ERO1B: variants seen among roughly 807,000 people sequenced by gnomAD.
ERO1B encodes the protein ERO1-like protein beta.
ERO1B carries 49 observed loss-of-function variants against 75.3 expected under a neutral mutation model. The observed-to-expected ratio is 0.65, with a 90% confidence interval of 0.52 to 0.83. The LOEUF is 0.83. ERO1B is among the 40% of genes least tolerant of loss of function. ERO1B has a pLI of 0.00. For missense variants in ERO1B, 512 were observed against 560.1 expected, an observed-to-expected ratio of 0.91 and a Z score of 0.87; for synonymous variants, 191 against 192.9, an observed-to-expected ratio of 0.99 and a Z score of 0.08.
intron 2 of ERO1B, among the ~76,000 whole-genome samples, chr1:236,261,693 T>C (rs1391802345): frequency 6.6e-6 from 1 of 152,212 alleles, no homozygotes; most frequent in African/African-American, 2.4e-5. Flanking sequence ...AATTAAATTG[T>C]TAAAATGTCC....
At chr1:236,272,505 A>T (rs961906445) in intron 1 of ERO1B, among the ~76,000 whole-genome samples, 1 of 152,222 alleles carries the variant, frequency 6.6e-6, no homozygotes, top group Non-Finnish European at 1.5e-5. Context: ...GTGGGAGCTA[A>T]CACTGAGTAT....
intron 6 of ERO1B, among the ~76,000 whole-genome samples, chr1:236,239,851 G>GTATA (rs1192575122): frequency 3.3e-5 from 2 of 61,040 alleles, no homozygotes; most frequent in African/African-American, 8.6e-5. Context: ...ATATATATGT[G>GTATA]TATATATGTA....
At chr1:236,272,351 TATGTACACC>T (rs1665610039) in intron 1 of ERO1B, among the ~76,000 whole-genome samples, 1 of 152,162 alleles carries the variant, frequency 6.6e-6, no homozygotes, top group Non-Finnish European at 1.5e-5. Flanking sequence ...AAATGTGGTC[TATGTACACC>T]ATGGAATACT....
chr1:236,240,766 A>G (rs1233086846), intron 6 of ERO1B, among the ~76,000 whole-genome samples: 2 of 152,084 alleles, frequency 1.3e-5, no homozygotes, highest in African/African-American at 4.8e-5. Flanking sequence ...ATAGCTCACA[A>G]TCTAGCTGGG....
At chr1:236,254,635 CAG>C (rs376458520) in intron 2 of ERO1B, among the ~76,000 whole-genome samples, 116 of 152,146 alleles carry the variant, frequency 7.6e-4, no homozygotes, top group African/African-American at 2.7e-3. Flanking sequence ...TTTTTTGAGA[CAG>C]AGTCTCACTC....
Position 236,253,518 on chromosome 1 carries a change from A to C in ERO1B, c.223-13T>G. On this transcript the variant is annotated splice_polypyrimidine_tract_variant and intron_variant, in intron 2 of 15. Transcript: ENST00000354619. ...GCTTCAGATTAACCTTGAAAGAAAGAACAAAGTTAGTAAACTCATATTATA... is the reference window on the plus strand; with the variant it reads ...GCTTCAGATTAACCTTGAAAGAAAGCACAAAGTTAGTAAACTCATATTATA... 6.4e-7 allele frequency: 1 copy of C among 1,574,350 alleles called. No homozygotes were observed. Among genetic ancestry groups the C allele is most frequent in the Non-Finnish European group, 8.7e-7 (1 of 1,148,212 alleles).
intron 6 of ERO1B, among the ~76,000 whole-genome samples, chr1:236,238,891 T>C (rs1441032941): frequency 2.0e-5 from 3 of 152,120 alleles, no homozygotes; most frequent in Non-Finnish European, 2.9e-5. Context: ...ACCATGATGA[T>C]TTAAAATATA....
At chr1:236,275,720 T>C (rs534615398) in intron 1 of ERO1B, among the ~76,000 whole-genome samples, 1 of 152,298 alleles carries the variant, frequency 6.6e-6, no homozygotes, top group East Asian at 1.9e-4. Flanking sequence ...GTCATTTCAT[T>C]ACTATAAACA....
rs1664547906 is a variant in ERO1B at position 236,236,375 on chromosome 1, A to G, written c.529T>C (p.Tyr177His). Residue 177 changes from tyrosine (Y) to histidine (H), a missense_variant, in exon 7 of 16, where the codon TAT becomes CAT. Coordinates refer to ENST00000354619, the MANE Select transcript of ERO1B (RefSeq NM_019891.4). ...TCTGGGTTCAGCAATAGGTCTACAT[A>G]CTGAGCAGCTGGAGATCTCTCATCT... ...LDDERSPAAQYVDLLLNPERY... is the reference protein window; with the variant it reads ...LDDERSPAAQHVDLLLNPERY... The G allele has an allele frequency of 1.2e-6, 2 of 1,613,782 alleles. No individual in the cohort carries two copies. The highest frequency in any genetic ancestry group is 1.3e-5 in the African/African-American group (1 of 74,896).
intron 4 of ERO1B, 73 bp downstream of exon 4, chr1:236,251,977 A>G (rs370583448): frequency 3.4e-5 from 38 of 1,108,144 alleles, no homozygotes; most frequent in Non-Finnish European, 4.8e-5. Context: ...TCTTTACTAC[A>G]GCCACTGTCA....
chr1:236,230,211 A>G lies in ERO1B; in HGVS notation c.712+13T>C. On this transcript the variant is annotated intron_variant, in intron 10 of 15. Transcript: ENST00000354619. ...TAACAAAAAATCCAATAAATTTAGA[A>G]CAGACTGTTTACCTTCTAGCCATGT... The G allele has an allele frequency of 6.3e-7, 1 of 1,584,668 alleles. No homozygotes were observed. The highest frequency in any genetic ancestry group is 8.6e-7 in the Non-Finnish European group (1 of 1,157,900).
intron 1 of ERO1B, among the ~76,000 whole-genome samples, chr1:236,272,552 C>A (rs73117208): frequency 0.018 from 2,675 of 152,054 alleles, 84 homozygotes; most frequent in African/African-American, 0.058. Context: ...CTGGGGACCC[C>A]AAAAGGTGAG....
chr1:236,237,754 T>G (rs1197357590), intron 6 of ERO1B, among the ~76,000 whole-genome samples: 1 of 152,304 alleles, frequency 6.6e-6, no homozygotes, highest in South Asian at 2.1e-4. Context: ...GTAAACAGTA[T>G]TCCCTGGACA....
intron 5 of ERO1B, among the ~76,000 whole-genome samples, chr1:236,245,321 T>C (rs868493354): frequency 0.074 from 1,029 of 13,830 alleles, 200 homozygotes; most frequent in African/African-American, 0.15. Flanking sequence ...TATATATATA[T>C]ACACACACGT....
Position 236,253,524 on chromosome 1 carries a change from GT to G in ERO1B, c.223-20del. 2 of 1,534,876 alleles carry G rather than the reference GT, an allele frequency of 1.3e-6. No individual in the cohort carries two copies. The highest frequency in any genetic ancestry group is 1.8e-6 in the Non-Finnish European group (2 of 1,113,282). On this transcript the variant is annotated intron_variant, in intron 2 of 15. Coordinates refer to ENST00000354619, the MANE Select transcript of ERO1B (RefSeq NM_019891.4). ...GATTAACCTTGAAAGAAAGAACAAAGTTAGTAAACTCATATTATAGTTATGG... is the reference window on the plus strand; with the variant it reads ...GATTAACCTTGAAAGAAAGAACAAAGTAGTAAACTCATATTATAGTTATGG...
intron 5 of ERO1B, 40 bp from the exon 6 acceptor site, chr1:236,243,535 T>G: frequency 7.1e-7 from 1 of 1,413,678 alleles, no homozygotes; most frequent in Non-Finnish European, 9.8e-7. Flanking sequence ...TTATTAAATT[T>G]GGAGCTGAAA....
chr1:236,244,005 C>G (rs1405627), intron 5 of ERO1B, among the ~76,000 whole-genome samples: 1 of 152,022 alleles, frequency 6.6e-6, no homozygotes, highest in South Asian at 2.1e-4. Context: ...TGGTGTATCA[C>G]TCGTTTCACA....
Position 236,239,805 on chromosome 1 carries a change from A to ATG in ERO1B, c.506-3409_506-3408dup, listed in dbSNP as rs1553371234. Reference sequence around the variant, plus strand: ...CCTCTTCAAGTATATATATATATATATGTGTGTATATATATATGTGTATAT... The same window carrying ATG: ...CCTCTTCAAGTATATATATATATATATGTGTGTGTATATATATATGTGTATAT... On this transcript the variant is annotated intron_variant, in intron 6 of 15. Coordinates refer to ENST00000354619, the MANE Select transcript of ERO1B (RefSeq NM_019891.4). 7.4e-5 allele frequency among the ~76,000 whole-genome samples: 9 copies of ATG among 121,728 alleles called. 1 individual carries two copies. Among genetic ancestry groups the ATG allele is most frequent in the Non-Finnish European group, 8.9e-5 (5 of 56,288 alleles). The allele number at this position is 121,728 out of a possible 152,430, so 79.9% of individuals were successfully genotyped here. A position where few individuals can be genotyped will look rare whatever the true frequency, so the allele number is the denominator to read the frequency against.
At chr1:236,271,718 T>A (rs1332969474) in intron 1 of ERO1B, among the ~76,000 whole-genome samples, 2 of 151,898 alleles carry the variant, frequency 1.3e-5, no homozygotes, top group Admixed American at 1.3e-4. Context: ...TCCTTTAAGC[T>A]CCTCTTTAAT....
Sources: gnomAD v4.1 joint callset for allele counts (sites outside exome capture counted in the v4.1 genomes callset) on GRCh38, gnomAD v4.1.1 for gene constraint, MANE v1.5 for transcripts, NCBI Gene and HGNC (gene_info 2026-07-23, HGNC 2026-07-21) for gene names.